Variants in PARD3B observed in about 807,000 individuals in gnomAD.
PARD3B encodes par-3 family cell polarity regulator beta, also known as partitioning defective 3 homolog B.
In PARD3B, 103 loss-of-function variants were observed where a neutral mutation model predicts 130.2. The ratio of observed to expected loss-of-function variants is 0.79; its 90% CI spans 0.67 to 0.93. The LOEUF is 0.93. PARD3B is among the 40% of genes least tolerant of loss of function. The pLI is 0.00. For synonymous variants in PARD3B, 583 were observed against 553.2 expected (o/e 1.05, Z -0.76); for missense variants, 1,609 against 1,499.2 (o/e 1.07, Z -1.21).
rs865786212 is a variant in PARD3B at position 205,535,488 on chromosome 2, A to G, written c.3181-17836A>G. ...GCCACTGTTCTTCATTGTAATCTGC[A>G]TGTGAATATTCTAGTTCAAACTCCA... On this transcript the variant is annotated intron_variant, in intron 21 of 22. Transcript: ENST00000406610. Among the ~76,000 whole-genome samples the G allele has an allele frequency of 3.3e-5, 5 of 152,250 alleles. 1 individual carries two copies. In the South Asian group the frequency reaches 6.2e-4, roughly 19 times the overall value.
chr2:205,318,941 T>A (rs2042652141), intron 18 of PARD3B, among the ~76,000 whole-genome samples: 1 of 152,180 alleles, frequency 6.6e-6, no homozygotes, highest in Admixed American at 6.5e-5. Flanking sequence ...ACCATTTTTG[T>A]CATCACTTGA....
At chr2:205,216,818 T>C (rs2037937689) in intron 15 of PARD3B, among the ~76,000 whole-genome samples, 1 of 152,024 alleles carries the variant, frequency 6.6e-6, no homozygotes, top group South Asian at 2.1e-4. Flanking sequence ...TACCAAACTG[T>C]TGTTGTAAGC....
chr2:204,695,029 TTTGG>T (rs1487139345), intron 2 of PARD3B, among the ~76,000 whole-genome samples: 1 of 152,000 alleles, frequency 6.6e-6, no homozygotes, highest in Non-Finnish European at 1.5e-5. Flanking sequence ...AAATTTTAAG[TTTGG>T]TTGGAGGGAA....
At chr2:205,400,137 A>G (rs2046196851) in intron 18 of PARD3B, among the ~76,000 whole-genome samples, 1 of 152,170 alleles carries the variant, frequency 6.6e-6, no homozygotes, top group Admixed American at 6.5e-5. Context: ...TAGGAGATTG[A>G]TAAGCTTTTA....
Position 204,546,102 on chromosome 2 carries a change from C to G in PARD3B, c.103C>G (p.Leu35Val), listed in dbSNP as rs532675717. ...CACCCAGCAGGCGCTGCAGCGGTAC[C>G]TGAAGACCCGGGAGAAGGTGAGCGC... ...ELTQQALQRY[L>V]KTREKGPGYW... Residue 35 changes from leucine to valine, a missense_variant, in exon 1 of 23, where the codon CTG becomes GTG. By Grantham distance (32) the Leu-to-Val change is conservative. Coordinates refer to ENST00000406610, the MANE Select transcript of PARD3B (RefSeq NM_001302769.2). 1.9e-4 allele frequency: 302 copies of G among 1,556,324 alleles called. 2 individuals carry two copies. In the Admixed American group the frequency reaches 5.3e-3, roughly 27 times the overall value.
intron 3 of PARD3B, among the ~76,000 whole-genome samples, chr2:205,024,150 TTTTC>T (rs1317345667): frequency 6.7e-6 from 1 of 148,462 alleles, no homozygotes; most frequent in Non-Finnish European, 1.5e-5. Flanking sequence ...CTCACCATCA[TTTTC>T]TTTCTTTCTT....
At chr2:204,589,451 C>A (rs1390822575) in intron 1 of PARD3B, among the ~76,000 whole-genome samples, 1 of 152,214 alleles carries the variant, frequency 6.6e-6, no homozygotes, top group African/African-American at 2.4e-5. Flanking sequence ...CCAGTATGGA[C>A]TTTCGAGCAC....
At chr2:205,512,244 A>C (rs1053039409) in intron 21 of PARD3B, among the ~76,000 whole-genome samples, 22 of 152,152 alleles carry the variant, frequency 1.4e-4, no homozygotes, top group African/African-American at 5.3e-4. Context: ...CACAGTGCTA[A>C]ATTTTCGGAG....
chr2:205,024,162 C>CTTTTTTTTTTTTTT (rs1172893472), intron 3 of PARD3B, among the ~76,000 whole-genome samples: 53 of 98,742 alleles, frequency 5.4e-4, no homozygotes, highest in Non-Finnish European at 7.7e-4. Context: ...TTCTTTCTTT[C>CTTTTTTTTTTTTTT]TTTTTTTTTT....
At chr2:205,523,444 A>G (rs2051183127) in intron 21 of PARD3B, among the ~76,000 whole-genome samples, 1 of 151,784 alleles carries the variant, frequency 6.6e-6, no homozygotes, top group East Asian at 1.9e-4. Context: ...GGGTTTCACC[A>G]TCTTGGCCAG....
intron 21 of PARD3B, among the ~76,000 whole-genome samples, chr2:205,551,706 A>C (rs976919181): frequency 2.0e-5 from 3 of 152,126 alleles, no homozygotes; most frequent in African/African-American, 7.2e-5. Flanking sequence ...CCCCAACCCC[A>C]TATACACAGT....
intron 2 of PARD3B, among the ~76,000 whole-genome samples, chr2:204,831,748 A>G (rs953015008): frequency 7.2e-5 from 11 of 152,194 alleles, no homozygotes; most frequent in Non-Finnish European, 1.5e-4. Flanking sequence ...CTAATAGGAT[A>G]TTCCTATTTG....
chr2:204,595,653 T>G (rs1359351033), intron 1 of PARD3B, among the ~76,000 whole-genome samples: 1 of 152,274 alleles, frequency 6.6e-6, no homozygotes, highest in Admixed American at 6.5e-5. Flanking sequence ...ACAGTCACTT[T>G]GTGAGGTCTT....
At chr2:204,821,928 A>G (rs2043376372) in intron 2 of PARD3B, among the ~76,000 whole-genome samples, 1 of 151,900 alleles carries the variant, frequency 6.6e-6, no homozygotes. Context: ...AAACTAATGC[A>G]CTAACATAAC....
Position 205,558,109 on chromosome 2 carries a change from G to A in PARD3B, c.3260+4706G>A, listed in dbSNP as rs1405281300. Among the ~76,000 whole-genome samples, 2 of 152,194 alleles carry A rather than the reference G, an allele frequency of 1.3e-5. No homozygotes were observed. The highest frequency in any genetic ancestry group is 2.1e-4 in the South Asian group (1 of 4,824). ...TACTGTGATCTGAGTGATAAGCTGA[G>A]CTAATGGACATGATAGTAGACAGCA... On this transcript the variant is annotated intron_variant, in intron 22 of 22. Coordinates refer to ENST00000406610, the MANE Select transcript of PARD3B (RefSeq NM_001302769.2). The surrounding 1 kb of genome is among the most constrained non-coding windows in gnomAD (Gnocchi z 4.8).
chr2:205,059,251 G>C (rs535376689), intron 4 of PARD3B, among the ~76,000 whole-genome samples: 1 of 152,080 alleles, frequency 6.6e-6, no homozygotes, highest in East Asian at 1.9e-4. Context: ...ACCTTAGAGG[G>C]TTTATTTCTC....
chr2:204,883,457 T>TTC, intron 2 of PARD3B, among the ~76,000 whole-genome samples: 1 of 92,276 alleles, frequency 1.1e-5, no homozygotes, highest in East Asian at 2.8e-4. Context: ...ATATATATAT[T>TTC]TTTTTTTTTG....
At position 205,301,912 on chromosome 2, in the gene PARD3B, G is replaced by A. The variant is rs535643429; in HGVS notation, c.2630+211G>A. On this transcript the variant is annotated intron_variant, in intron 18 of 22. Coordinates refer to ENST00000406610, the MANE Select transcript of PARD3B (RefSeq NM_001302769.2). This position sits in a 1 kb window ranked among gnomAD's most constrained non-coding sequence, Gnocchi z 5.2. The stretch of plus-strand genomic sequence containing the variant: ...GATGACAGGACACTGTCTTAAGTTT[G>A]TTGTCAAAGAAAGGTCAACACTATG... 7.5e-5 allele frequency: 59 copies of A among 783,668 alleles called. 1 individual carries two copies. In the South Asian group the frequency reaches 8.0e-4, roughly 11 times the overall value. 48.5% of individuals were successfully genotyped at this position (783,668 alleles called of 1,614,324 possible). A position where few individuals can be genotyped will look rare whatever the true frequency, so the allele number is the denominator to read the frequency against.
In PARD3B at chr2:205,142,223, G is replaced by C. The variant is rs79581286; in HGVS notation, c.1434+16486G>C. On this transcript the variant is annotated intron_variant, in intron 10 of 22. Transcript: ENST00000406610. The surrounding 1 kb of genome is among the most constrained non-coding windows in gnomAD (Gnocchi z 4.3). ...GTTTGCTAGTGGGTGGCAAAGCAGG[G>C]TAAAGAGAGAGCATAAGTTTTAGGT... is the stretch of plus-strand genomic sequence containing the variant. Among the ~76,000 whole-genome samples the C allele has an allele frequency of 0.022, 3,323 of 152,232 alleles. 116 individuals are homozygous for C. The highest frequency in any genetic ancestry group is 0.075 in the African/African-American group (3,131 of 41,526).
Sources: gnomAD v4.1 joint callset for allele counts (sites outside exome capture counted in the v4.1 genomes callset) on GRCh38, gnomAD v4.1.1 for gene constraint, Gnocchi (gnomAD v3.1) non-coding constraint, MANE v1.5 for transcripts, NCBI Gene and HGNC (gene_info 2026-07-23, HGNC 2026-07-21) for gene names.